The following SDK1 variants were observed in gnomAD, a reference collection of about 807,000 sequenced individuals.
SDK1 encodes the protein protein sidekick-1.
A neutral mutation model predicts 245.5 loss-of-function variants in SDK1; 157 were observed. That is an observed-to-expected ratio of 0.64 (90% CI 0.56 to 0.73). The LOEUF (loss-of-function observed/expected upper bound fraction) is 0.73, where lower values mean the gene tolerates loss of function less well. SDK1 is among the 30% of genes least tolerant of loss of function. The probability of loss-of-function intolerance (pLI) is 0.00; values close to 1 mark genes in which losing one functional copy is unlikely to be tolerated. For synonymous variants in SDK1, 1,647 were observed against 1,278.5 expected, an observed-to-expected ratio of 1.29 and a Z score of -6.15; for missense variants, 3,583 against 3,002.3, an observed-to-expected ratio of 1.19 and a Z score of -4.52.
chr7:3,623,594 G>A (rs558605270), intron 2 of SDK1, among the ~76,000 whole-genome samples: 1 of 152,076 alleles, frequency 6.6e-6, no homozygotes, highest in African/African-American at 2.4e-5. Flanking sequence ...TGGCACAGGT[G>A]ACTACATTAG....
Position 4,066,415 on chromosome 7 carries a change from C to G in SDK1, c.2912-1423C>G, listed in dbSNP as rs112235055. 7.3e-3 allele frequency among the ~76,000 whole-genome samples: 1,107 copies of G among 152,320 alleles called. 8 individuals carry two copies. Among genetic ancestry groups the G allele is most frequent in the Non-Finnish European group, 0.011 (720 of 68,026 alleles). On this transcript the variant is annotated intron_variant, in intron 19 of 44. Transcript: ENST00000404826. ...GCCTGACTTAGGGAATGGGAGTGCA[C>G]TGTCTCTCTTCCCCTCATCCTTCCC... is the stretch of plus-strand genomic sequence containing the variant.
intron 2 of SDK1, among the ~76,000 whole-genome samples, chr7:3,626,721 CCTTT>C (rs1782131912): frequency 6.6e-6 from 1 of 152,162 alleles, no homozygotes; most frequent in African/African-American, 2.4e-5. Flanking sequence ...TGTAGTAACG[CCTTT>C]CTTTTTCACC....
At chr7:4,002,003 G>T (rs1359785555) in intron 14 of SDK1, among the ~76,000 whole-genome samples, 1 of 152,248 alleles carries the variant, frequency 6.6e-6, no homozygotes. Flanking sequence ...TCCCCTGCAG[G>T]AGTACAGTCT....
intron 4 of SDK1, among the ~76,000 whole-genome samples, chr7:3,699,489 A>G (rs181479473): frequency 3.2e-4 from 49 of 152,346 alleles, no homozygotes; most frequent in African/African-American, 1.2e-3. Flanking sequence ...AATTTAATAA[A>G]TTCAATTAAT....
intron 22 of SDK1, among the ~76,000 whole-genome samples, chr7:4,092,008 C>T (rs966169934): frequency 5.9e-5 from 9 of 152,108 alleles, no homozygotes; most frequent in African/African-American, 1.2e-4. Context: ...AGAACAAAAC[C>T]GTCGGGCGTG....
chr7:4,203,285 A>C (rs1478416559), intron 35 of SDK1, among the ~76,000 whole-genome samples: 1 of 152,122 alleles, frequency 6.6e-6, no homozygotes, highest in Non-Finnish European at 1.5e-5. Context: ...CTTGTCTCTC[A>C]TTGCCTCAGC....
intron 4 of SDK1, among the ~76,000 whole-genome samples, chr7:3,695,659 G>A (rs191843323): frequency 6.6e-6 from 1 of 152,184 alleles, no homozygotes; most frequent in Non-Finnish European, 1.5e-5. Context: ...TACATTGTTA[G>A]TGCATTAAGC....
intron 5 of SDK1, among the ~76,000 whole-genome samples, chr7:3,900,672 C>T (rs945912042): frequency 6.6e-6 from 1 of 152,102 alleles, no homozygotes; most frequent in Non-Finnish European, 1.5e-5. Flanking sequence ...TACCTGACAC[C>T]CTTCACCTAG....
intron 7 of SDK1, among the ~76,000 whole-genome samples, chr7:3,957,510 T>G (rs1459123048): frequency 6.6e-6 from 1 of 152,212 alleles, no homozygotes; most frequent in Non-Finnish European, 1.5e-5. Flanking sequence ...AGAGGAAAAC[T>G]ATAATTAATC....
intron 22 of SDK1, among the ~76,000 whole-genome samples, chr7:4,102,944 T>TA (rs1332898979): frequency 9.6e-4 from 88 of 92,088 alleles, no homozygotes; most frequent in Non-Finnish European, 1.6e-3. Context: ...TTATTAGCCT[T>TA]AAAAAAAGTT....
chr7:4,079,616 T>G, intron 22 of SDK1, 32 bp downstream of exon 22: 5 of 1,613,226 alleles, frequency 3.1e-6, no homozygotes, highest in Non-Finnish European at 4.2e-6. Flanking sequence ...GAGCTGGCAT[T>G]TGCGAAGAGC....
At chr7:4,074,856 T>TTCTCTCTCTCTCTCTC (rs1159856321) in intron 20 of SDK1, among the ~76,000 whole-genome samples, 7 of 72,344 alleles carry the variant, frequency 9.7e-5, no homozygotes, top group African/African-American at 6.6e-4. Flanking sequence ...GAGCAAGACT[T>TTCTCTCTCTCTCTCTC]TCTCTCTCTC....
intron 1 of SDK1, among the ~76,000 whole-genome samples, chr7:3,569,511 C>T (rs990547982): frequency 2.0e-5 from 3 of 152,246 alleles, no homozygotes; most frequent in African/African-American, 7.2e-5. Flanking sequence ...CACTTCACGG[C>T]CCCTCAGGCC....
chr7:3,366,786 G>T (rs1781104275), intron 1 of SDK1, among the ~76,000 whole-genome samples: 1 of 152,010 alleles, frequency 6.6e-6, no homozygotes, highest in African/African-American at 2.4e-5. Flanking sequence ...TCTGTCACCA[G>T]GTTGGAGTGC....
chr7:3,326,327 G>C (rs1298032740), intron 1 of SDK1, among the ~76,000 whole-genome samples: 2 of 152,074 alleles, frequency 1.3e-5, no homozygotes, highest in Non-Finnish European at 1.5e-5. Context: ...TATTCTCTCA[G>C]TCCACAACTT....
intron 1 of SDK1, among the ~76,000 whole-genome samples, chr7:3,583,106 G>A (rs775751425): frequency 2.6e-5 from 4 of 152,176 alleles, no homozygotes; most frequent in Admixed American, 1.3e-4. Context: ...GTTGGAGACC[G>A]GAGGTATCGG....
chr7:3,316,948 G>A (rs906546769), intron 1 of SDK1, among the ~76,000 whole-genome samples: 2 of 152,018 alleles, frequency 1.3e-5, no homozygotes, highest in Admixed American at 1.3e-4. Context: ...GGGAGGCTGA[G>A]GTGGGCAGAT....
chr7:4,238,492 G>A (rs1157954571), intron 42 of SDK1, among the ~76,000 whole-genome samples: 2 of 152,092 alleles, frequency 1.3e-5, no homozygotes, highest in Admixed American at 1.3e-4. Flanking sequence ...GAGCCTAGGA[G>A]ATCCAGGTTG....
chr7:3,697,199 G>C (rs190502048), intron 4 of SDK1, among the ~76,000 whole-genome samples: 3 of 152,290 alleles, frequency 2.0e-5, no homozygotes, highest in Admixed American at 2.0e-4. Flanking sequence ...GGAAAACAAT[G>C]ATAATGATTC....
Sources: gnomAD v4.1 joint callset for allele counts (sites outside exome capture counted in the v4.1 genomes callset) on GRCh38, gnomAD v4.1.1 for gene constraint, MANE v1.5 for transcripts, NCBI Gene and HGNC (gene_info 2026-07-23, HGNC 2026-07-21) for gene names.